Variants in ASPA observed in about 807,000 individuals in gnomAD.
The protein encoded by ASPA is ACY-2.
A neutral mutation model predicts 29.6 loss-of-function variants in ASPA; 25 were observed. The observed-to-expected ratio is 0.85, with a 90% CI of 0.62 to 1.18. The LOEUF is 1.18. ASPA is among the 50% of genes most tolerant of loss of function. ASPA has a pLI of 0.00. For synonymous variants in ASPA, 131 were observed against 130.3 expected, an observed-to-expected ratio of 1.01 and a Z score of -0.04; for missense variants, 333 against 385.7, an observed-to-expected ratio of 0.86 and a Z score of 1.14.
chr17:3,494,628 C>T (rs1337353538), intron 5 of ASPA, among the ~76,000 whole-genome samples, 169 bp downstream of exon 5: 1 of 152,200 alleles, frequency 6.6e-6, no homozygotes, highest in African/African-American at 2.4e-5. Flanking sequence ...AATACTTATT[C>T]AGTGTAACCT....
At position 3,485,749 on chromosome 17, in the gene ASPA, T is replaced by G. The variant is rs12945398; in HGVS notation, c.526+2157T>G. On this transcript the variant is annotated intron_variant, in intron 3 of 5. Transcript: ENST00000263080. The surrounding 1 kb of genome is among the most constrained non-coding windows in gnomAD (Gnocchi z 4.4). ...ACAAGCTAACCATTAGCCTAGCACC[T>G]CTGAGTGGATGCCAGTAGAAGACAC... Among the ~76,000 whole-genome samples the G allele has an allele frequency of 6.6e-6, 1 of 152,122 alleles. No homozygotes were observed. The highest frequency in any genetic ancestry group is 1.5e-5 in the Non-Finnish European group (1 of 68,034).
rs1013976657 is a variant in ASPA, at chr17:3,485,405, A to T, written c.526+1813A>T. On this transcript the variant is annotated intron_variant, in intron 3 of 5. Transcript: ENST00000263080. The surrounding 1 kb of genome is among the most constrained non-coding windows in gnomAD (Gnocchi z 4.4). ...GTTCTATAACTATAACCATATATAAAATACTAGCCAACCAGGAGAATCGCT... is the reference window on the plus strand; with the variant it reads ...GTTCTATAACTATAACCATATATAATATACTAGCCAACCAGGAGAATCGCT... Among the ~76,000 whole-genome samples the T allele has an allele frequency of 7.9e-5, 12 of 152,240 alleles. No individual in the cohort carries two copies. Among genetic ancestry groups the T allele is most frequent in the African/African-American group, 2.6e-4 (11 of 41,546 alleles).
At chr17:3,491,573 C>A (rs181011946) in intron 4 of ASPA, among the ~76,000 whole-genome samples, 5 of 152,108 alleles carry the variant, frequency 3.3e-5, no homozygotes, top group Non-Finnish European at 7.4e-5. Context: ...ATGGGGAAAA[C>A]CTTGTCTCTA....
rs1278263342 is a variant in ASPA at position 3,499,687 on chromosome 17, T to G, written c.*599T>G. ...ACCATGAATCGTGCCCATGTGAGAC[T>G]GCGAACTTAGTGAATGTTGTGTGAG... On this transcript the variant is annotated 3_prime_UTR_variant, in exon 6 of 6. Coordinates refer to ENST00000263080, the MANE Select transcript of ASPA (RefSeq NM_000049.4). The G allele has an allele frequency of 1.3e-5, 2 of 152,354 alleles. No homozygotes were observed. Among genetic ancestry groups the G allele is most frequent in the African/African-American group, 4.8e-5 (2 of 41,454 alleles). 9.4% of individuals were successfully genotyped at this position (152,354 alleles called of 1,614,324 possible).
chr17:3,478,074 A>G (rs1048083927), intron 1 of ASPA, among the ~76,000 whole-genome samples: 2 of 151,630 alleles, frequency 1.3e-5, no homozygotes, highest in Admixed American at 6.6e-5. Flanking sequence ...AGTCCCAGCT[A>G]TTCGGGAGAC....
chr17:3,499,067 TA>T lies in ASPA; in HGVS notation c.922del (p.Ile308PhefsTer23), dbSNP rs1057516309. 1.2e-6 allele frequency: 2 copies of T among 1,614,098 alleles called. No homozygotes were observed. Among genetic ancestry groups the T allele is most frequent in the Non-Finnish European group, 8.5e-7 (1 of 1,179,976 alleles). On this transcript the variant is annotated frameshift_variant, in exon 6 of 6. Coordinates refer to ENST00000263080, the MANE Select transcript of ASPA (RefSeq NM_000049.4). LOFTEE classifies it high-confidence loss of function. ...CTAAACTAACGCTCAATGCAAAAAG[TA>T]TTCGCTGCTGTTTACATTAGAAATC... ...TTKLTLNAKS[I>X]RCCLH
chr17:3,476,009 A>G lies in ASPA; in HGVS notation c.-151A>G, dbSNP rs1405449814. 2.8e-6 allele frequency: 2 copies of G among 718,604 alleles called. No individual in the cohort carries two copies. The highest frequency in any genetic ancestry group is 4.6e-6 in the Non-Finnish European group (2 of 433,172). The allele number at this position is 718,604 out of a possible 1,614,324, so 44.5% of individuals were successfully genotyped here. ...ATAAACGGGGCTCAGAACTTGTAAC[A>G]GAAAATTAAAATATACTCCACTCAA... On this transcript the variant is annotated 5_prime_UTR_variant, in exon 1 of 6. Transcript: ENST00000263080.
At chr17:3,496,787 C>A in intron 5 of ASPA, among the ~76,000 whole-genome samples, 1 of 152,188 alleles carries the variant, frequency 6.6e-6, no homozygotes, top group East Asian at 1.9e-4. Context: ...TGATTCCTGG[C>A]CAGGAGCGGT....
At chr17:3,491,798 C>T (rs2073830259) in intron 4 of ASPA, among the ~76,000 whole-genome samples, 1 of 151,454 alleles carries the variant, frequency 6.6e-6, no homozygotes, top group African/African-American at 2.4e-5. Flanking sequence ...AAATTCAACA[C>T]ATTTTCTGTG....
intron 4 of ASPA, among the ~76,000 whole-genome samples, chr17:3,493,582 A>AAAGG (rs1230836096): frequency 6.6e-6 from 1 of 150,878 alleles, no homozygotes; most frequent in Admixed American, 6.6e-5. Context: ...AAAAAAAAAA[A>AAAGG]AGGAAAGAAA....
At chr17:3,489,457 A>C (rs976795599) in intron 4 of ASPA, 115 bp downstream of exon 4, 1 of 861,130 alleles carries the variant, frequency 1.2e-6, no homozygotes, top group African/African-American at 1.7e-5. Flanking sequence ...TAAAATTTTT[A>C]TTCACTTCAG....
intron 4 of ASPA, among the ~76,000 whole-genome samples, chr17:3,491,715 T>G (rs576378134): frequency 6.0e-4 from 91 of 151,788 alleles, no homozygotes; most frequent in African/African-American, 2.1e-3. Flanking sequence ...GCCACTGCAC[T>G]CCAGCCTCGG....
chr17:3,487,711 G>C (rs529330954), intron 3 of ASPA, among the ~76,000 whole-genome samples: 1 of 152,072 alleles, frequency 6.6e-6, no homozygotes, highest in Non-Finnish European at 1.5e-5. Flanking sequence ...CATTGACTAG[G>C]GGATTATTAT....
Position 3,499,274 on chromosome 17 carries a change from T to C in ASPA, c.*186T>C, listed in dbSNP as rs1345072435. The C allele has an allele frequency of 5.8e-6, 3 of 516,906 alleles. No homozygotes were observed. The South Asian group carries it at 1.1e-4, about 18-fold the overall frequency. 32.0% of individuals were successfully genotyped at this position (516,906 alleles called of 1,614,324 possible). A position where few individuals can be genotyped will look rare whatever the true frequency, so the allele number is the denominator to read the frequency against. On this transcript the variant is annotated 3_prime_UTR_variant, in exon 6 of 6. Transcript: ENST00000263080. ...ATCTTTAAAGATATCATATTTTATG[T>C]ATGTAGCTTATTCAAAGAAGTGTTT... is the stretch of plus-strand genomic sequence containing the variant.
At chr17:3,476,509 T>G in intron 1 of ASPA, 114 bp downstream of exon 1, 4 of 977,762 alleles carry the variant, frequency 4.1e-6, no homozygotes, top group Non-Finnish European at 6.4e-6. Flanking sequence ...GTACATGCAG[T>G]CGTATGTTGA....
chr17:3,499,364 T>C lies in ASPA; in HGVS notation c.*276T>C, dbSNP rs2073963312. On this transcript the variant is annotated 3_prime_UTR_variant, in exon 6 of 6. Transcript: ENST00000263080. ...GCTCAACATTCTTAATAAACAGCCTTTGTATTCAGAATATAAAATTGAAAT... is the reference window on the plus strand; with the variant it reads ...GCTCAACATTCTTAATAAACAGCCTCTGTATTCAGAATATAAAATTGAAAT... 3.8e-6 allele frequency: 1 copy of C among 264,084 alleles called. No homozygotes were observed. Among genetic ancestry groups the C allele is most frequent in the East Asian group, 7.3e-5 (1 of 13,746 alleles). The allele number at this position is 264,084 out of a possible 1,614,324, so 16.4% of individuals were successfully genotyped here.
intron 1 of ASPA, among the ~76,000 whole-genome samples, chr17:3,479,211 C>G (rs1362285191): frequency 6.6e-6 from 1 of 152,164 alleles, no homozygotes; most frequent in East Asian, 1.9e-4. Flanking sequence ...TGGGACTCTT[C>G]CAATGGGAGC....
At chr17:3,498,777 T>C in intron 5 of ASPA, 114 bp from the exon 6 acceptor site, 1 of 1,054,128 alleles carries the variant, frequency 9.5e-7, no homozygotes, top group Non-Finnish European at 1.3e-6. Flanking sequence ...CTCGCTCAAG[T>C]ATCTCTTTTA....
In ASPA at chr17:3,485,759, T is replaced by C. The variant is rs1036137528; in HGVS notation, c.526+2167T>C. ...CATTAGCCTAGCACCTCTGAGTGGA[T>C]GCCAGTAGAAGACACAAGACTCCTA... On this transcript the variant is annotated intron_variant, in intron 3 of 5. Transcript: ENST00000263080. This position sits in a 1 kb window ranked among gnomAD's most constrained non-coding sequence, Gnocchi z 4.4. Among the ~76,000 whole-genome samples the C allele has an allele frequency of 1.3e-5, 2 of 152,170 alleles. No homozygotes were observed. Among genetic ancestry groups the C allele is most frequent in the Admixed American group, 6.5e-5 (1 of 15,276 alleles).
Sources: allele counts gnomAD v4.1 joint callset (sites outside exome capture counted in the v4.1 genomes callset), GRCh38; gene constraint gnomAD v4.1.1; non-coding constraint Gnocchi (gnomAD v3.1); transcripts MANE v1.5; gene names NCBI Gene and HGNC (gene_info 2026-07-23, HGNC 2026-07-21).